Variants in NCAPG observed in about 807,000 individuals in gnomAD.
NCAPG encodes the protein non-SMC condensin I complex subunit G, also known as condensin complex subunit 3.
Under a neutral mutation model 113.1 loss-of-function variants are expected in NCAPG, and 69 were observed. The ratio of observed to expected loss-of-function variants is 0.61; its 90% CI spans 0.50 to 0.75. NCAPG has a LOEUF of 0.75. NCAPG is among the 30% of genes least tolerant of loss of function. The pLI is 0.00. For missense variants in NCAPG, 1,058 were observed against 1,177.0 expected (o/e 0.90, Z 1.48); for synonymous variants, 370 against 415.8 (o/e 0.89, Z 1.34).
rs75750347 is a variant in NCAPG at position 17,824,001 on chromosome 4, G to T, written c.1383+231G>T. On this transcript the variant is annotated intron_variant, in intron 9 of 20. Transcript: ENST00000251496. ...GTTATTGTTGAATCAGTTTGAAATGGAGCAGGTTTGGTAGGAAGTTACAAG... is the reference window on the plus strand; with the variant it reads ...GTTATTGTTGAATCAGTTTGAAATGTAGCAGGTTTGGTAGGAAGTTACAAG... 1.7e-3 allele frequency among the ~76,000 whole-genome samples: 261 copies of T among 152,154 alleles called. 10 individuals carry two copies. In the East Asian group the frequency reaches 0.046, roughly 27 times the overall value.
intron 4 of NCAPG, 59 bp downstream of exon 4, chr4:17,815,057 T>C: frequency 6.3e-7 from 1 of 1,588,268 alleles, no homozygotes; most frequent in Non-Finnish European, 8.6e-7. Context: ...GCCATTTTCT[T>C]AAAGTGCCTT....
At position 17,843,601 on chromosome 4, in the gene NCAPG, A is replaced by G; in HGVS notation, c.*176A>G. 1.8e-6 allele frequency: 1 copy of G among 564,346 alleles called. No homozygotes were observed. Among genetic ancestry groups the G allele is most frequent in the African/African-American group, 1.9e-5 (1 of 53,190 alleles). The allele number at this position is 564,346 out of a possible 1,614,324, so 35.0% of individuals were successfully genotyped here. A position where few individuals can be genotyped will look rare whatever the true frequency, so the allele number is the denominator to read the frequency against. ...GCAGTAGAGCAGCATCAGTTATTAT[A>G]GTCCAGAAAAAGTGTGCATCAGTCA... On this transcript the variant is annotated 3_prime_UTR_variant, in exon 21 of 21. Transcript: ENST00000251496.
At position 17,812,373 on chromosome 4, in the gene NCAPG, G is replaced by C; in HGVS notation, c.264G>C (p.Glu88Asp). 14 of 1,613,752 alleles carry C rather than the reference G, an allele frequency of 8.7e-6. No homozygotes were observed. Among genetic ancestry groups the C allele is most frequent in the Non-Finnish European group, 1.2e-5 (14 of 1,179,828 alleles). The change falls in exon 2 of 21, where the codon GAG (glutamate) becomes GAC (aspartate). Residue 88 changes from glutamate to aspartate, a missense_variant. Physicochemically the swap from Glu to Asp is conservative, Grantham distance 45 (BLOSUM62 2). Coordinates refer to ENST00000251496, the MANE Select transcript of NCAPG (RefSeq NM_022346.5). ...SFHQSDMEDD[E>D]EEEDGGLLNY... ...ACCAATCAGATATGGAAGATGATGA[G>C]GAAGAGGAAGATGGTGGCCTTTTAA...
chr4:17,817,164 A>C (rs889625314), intron 5 of NCAPG, 97 bp from the exon 6 acceptor site: 1 of 833,026 alleles, frequency 1.2e-6, no homozygotes, highest in East Asian at 2.5e-5. Flanking sequence ...TACTATTTCT[A>C]TTGTAAATAC....
chr4:17,814,565 T>TGTAACTGGAAGCG (rs1434677660), intron 3 of NCAPG, among the ~76,000 whole-genome samples: 3 of 152,198 alleles, frequency 2.0e-5, no homozygotes, highest in Non-Finnish European at 2.9e-5. Context: ...CACCTCAGCC[T>TGTAACTGGAAGCG]CCTAAGTAAC....
At chr4:17,842,702 A>ACTT (rs1283264116) in intron 20 of NCAPG, 2 of 236,102 alleles carry the variant, frequency 8.5e-6, no homozygotes, top group East Asian at 2.0e-4. Context: ...GGTTCTCTAC[A>ACTT]CTTACATACT....
At position 17,817,887 on chromosome 4, in the gene NCAPG, C is replaced by A. The variant is rs906117182; in HGVS notation, c.969-52C>A. The A allele has an allele frequency of 4.0e-6, 6 of 1,517,386 alleles. No homozygotes were observed. In the African/African-American group the frequency reaches 7.0e-5, roughly 18 times the overall value. 94.0% of individuals were successfully genotyped at this position (1,517,386 alleles called of 1,614,324 possible). ...ATTCTCATTTTTGTACTCTTCAATT[C>A]TTAATGATAAAAAGATCATGCTTTC... On this transcript the variant is annotated intron_variant, in intron 6 of 20. Transcript: ENST00000251496.
rs1722654132 is a variant in NCAPG, at chr4:17,843,729, T to C, written c.*304T>C. On this transcript the variant is annotated 3_prime_UTR_variant, in exon 21 of 21. Transcript: ENST00000251496. Reference sequence around the variant, plus strand: ...ACTCTTTATGTTTAAAATCATGTCATTATGGAAAACTTACAAGTGTAACTA... The same window carrying C: ...ACTCTTTATGTTTAAAATCATGTCACTATGGAAAACTTACAAGTGTAACTA... The C allele has an allele frequency of 1.1e-5, 2 of 181,924 alleles. No individual in the cohort carries two copies. The highest frequency in any genetic ancestry group is 1.2e-5 in the Non-Finnish European group (1 of 85,832). The allele number at this position is 181,924 out of a possible 1,614,324, so 11.3% of individuals were successfully genotyped here.
chr4:17,836,770 A>G (rs192761788), intron 14 of NCAPG, among the ~76,000 whole-genome samples: 72 of 152,282 alleles, frequency 4.7e-4, no homozygotes, highest in African/African-American at 1.7e-3. Flanking sequence ...ACTCCTACAT[A>G]TGGAGCTTTT....
chr4:17,841,576 T>C (rs1315119063), intron 19 of NCAPG: 1 of 151,970 alleles, frequency 6.6e-6, no homozygotes, highest in Admixed American at 6.6e-5. Context: ...GACTGTCACA[T>C]TGAACAGTTT....
chr4:17,834,163 G>C, intron 13 of NCAPG, 136 bp from the exon 14 acceptor site: 1 of 515,222 alleles, frequency 1.9e-6, no homozygotes, highest in Non-Finnish European at 3.3e-6. Flanking sequence ...TTTTTGAAAA[G>C]TGATGTTTTC....
Position 17,843,376 on chromosome 4 carries a change from A to G in NCAPG, c.2999A>G (p.Glu1000Gly), listed in dbSNP as rs1722617007. Residue 1000 changes from glutamate to glycine, a missense_variant, in exon 21 of 21, where the codon GAA becomes GGA. Transcript: ENST00000251496. ...AGACGAGCCAAAACCGCAGCACTAGAAAAAAGTAAACTTAACCTTGCCCAA... is the reference window on the plus strand; with the variant it reads ...AGACGAGCCAAAACCGCAGCACTAGGAAAAAGTAAACTTAACCTTGCCCAA... ...LPRRAKTAAL[E>G]KSKLNLAQFL... The G allele has an allele frequency of 6.2e-7, 1 of 1,612,114 alleles. No individual in the cohort carries two copies. Among genetic ancestry groups the G allele is most frequent in the Non-Finnish European group, 8.5e-7 (1 of 1,178,364 alleles).
At chr4:17,837,394 CCCCAT>C (rs1385698172) in intron 15 of NCAPG, 54 bp downstream of exon 15, 37 of 1,448,448 alleles carry the variant, frequency 2.6e-5, no homozygotes, top group South Asian at 1.9e-4. Flanking sequence ...AATTCAAGTC[CCCCAT>C]GAATTATATC....
intron 20 of NCAPG, 117 bp downstream of exon 20, chr4:17,842,496 T>A (rs773352492): frequency 3.1e-4 from 241 of 783,236 alleles, no homozygotes; most frequent in Non-Finnish European, 4.5e-4. Context: ...TAGTGAAAAC[T>A]ATAAATAGCT....
At chr4:17,840,534 G>A (rs1427281294) in intron 18 of NCAPG, 73 bp from the exon 19 acceptor site, 1 of 879,712 alleles carries the variant, frequency 1.1e-6, no homozygotes, top group African/African-American at 1.8e-5. Flanking sequence ...TATAAAAACT[G>A]GTCTTAAAAA....
Position 17,831,091 on chromosome 4 carries a change from G to A in NCAPG, c.1859G>A (p.Arg620Lys). 1 of 1,613,452 alleles carries A rather than the reference G, an allele frequency of 6.2e-7. No individual in the cohort carries two copies. The highest frequency in any genetic ancestry group is 1.7e-4 in the Middle Eastern group (1 of 6,054). Residue 620 changes from arginine (R) to lysine (K), a missense_variant, in exon 13 of 21, where the codon AGG becomes AAG. Arg to Lys is a conservative substitution (Grantham distance 26). Coordinates refer to ENST00000251496, the MANE Select transcript of NCAPG (RefSeq NM_022346.5). ...GGACTACAGAATCAGGATTTTGCAA[G>A]GAAACACTTCGTATTACTATTGCAG... is the stretch of plus-strand genomic sequence containing the variant. The part of the protein sequence containing the change: ...CCGLQNQDFA[R>K]KHFVLLLQVL...
rs777340359 is a variant in NCAPG, at chr4:17,837,801, G to A, written c.2466G>A (p.Gln822=). 1.2e-6 allele frequency: 2 copies of A among 1,613,618 alleles called. No individual in the cohort carries two copies. Among genetic ancestry groups the A allele is most frequent in the Non-Finnish European group, 1.7e-6 (2 of 1,179,726 alleles). ...NPQAKTSQDY[Q]ALTVHDNLAM... is the part of the protein sequence containing the mutation. The stretch of plus-strand genomic sequence containing the variant: ...AGGCCAAGACTTCCCAAGATTATCA[G>A]GTGAGTGACTGTGGTAACTGCATGC... Residue 822 remains glutamine (Q), a splice_region_variant and synonymous_variant, in exon 16 of 21, where the codon CAG becomes CAA. Coordinates refer to ENST00000251496, the MANE Select transcript of NCAPG (RefSeq NM_022346.5).
intron 7 of NCAPG, among the ~76,000 whole-genome samples, chr4:17,822,413 A>G (rs1721495717): frequency 6.6e-6 from 1 of 151,926 alleles, no homozygotes; most frequent in African/African-American, 2.4e-5. Context: ...GCTGGTCTCG[A>G]ACTCCTGACC....
Position 17,812,203 on chromosome 4 carries a change from GTTTCT to G in NCAPG, c.112-14_112-10del, listed in dbSNP as rs1256164569. The G allele has an allele frequency of 3.1e-6, 5 of 1,602,674 alleles. No individual in the cohort carries two copies. Among genetic ancestry groups the G allele is most frequent in the Non-Finnish European group, 2.6e-6 (3 of 1,171,298 alleles). On this transcript the variant is annotated splice_polypyrimidine_tract_variant and intron_variant, in intron 1 of 20. Transcript: ENST00000251496. ...TTTTTATCGGTGCAGTTTATGAAGG[GTTTCT>G]TTTGTCTTTCAGATGGATGATAAGA...
Sources: gnomAD v4.1 joint callset for allele counts (sites outside exome capture counted in the v4.1 genomes callset) on GRCh38, gnomAD v4.1.1 for gene constraint, MANE v1.5 for transcripts, NCBI Gene and HGNC (gene_info 2026-07-23, HGNC 2026-07-21) for gene names.